Variants in PPARG observed in about 807,000 individuals in gnomAD.
PPARG encodes peroxisome proliferator-activated receptor gamma.
In PPARG, 17 loss-of-function variants were observed where a neutral mutation model predicts 39.2. The ratio of observed to expected loss-of-function variants is 0.43; its 90% CI spans 0.30 to 0.65. The LOEUF is 0.65. PPARG is among the 30% of genes least tolerant of loss of function. PPARG has a pLI of 0.13. For missense variants in PPARG, 406 were observed against 585.9 expected (o/e 0.69, Z 3.17); for synonymous variants, 223 against 215.7 (o/e 1.03, Z -0.30).
rs766703072 is a variant in PPARG at position 12,381,353 on chromosome 3, T to G, written c.252T>G (p.Pro84=). 6.2e-7 allele frequency: 1 copy of G among 1,613,246 alleles called. No individual in the cohort carries two copies. Among genetic ancestry groups the G allele is most frequent in the African/African-American group, 1.3e-5 (1 of 74,888 alleles). The change falls in exon 4 of 8, where the codon CCT becomes CCG. Residue 84 remains proline, a synonymous_variant. Coordinates refer to ENST00000651735, the MANE Select transcript of PPARG (RefSeq NM_138711.6). The stretch of plus-strand genomic sequence containing the variant: ...TCAAAGTGGAGCCTGCATCTCCACC[T>G]TATTATTCTGAGAAGACTCAGCTCT... The part of the protein sequence containing the change: ...SAIKVEPASP[P]YYSEKTQLYN...
At chr3:12,330,304 A>T (rs1190689777) in intron 2 of PPARG, among the ~76,000 whole-genome samples, 11 of 144,812 alleles carry the variant, frequency 7.6e-5, no homozygotes, top group African/African-American at 1.8e-4. Context: ...CCTTTTTTTA[A>T]AAAAAAAAAA....
chr3:12,322,187 G>A (rs946943968), intron 2 of PPARG, among the ~76,000 whole-genome samples: 1 of 152,122 alleles, frequency 6.6e-6, no homozygotes, highest in African/African-American at 2.4e-5. Context: ...TTTAATTTAC[G>A]GATGAGGAAT....
At chr3:12,349,143 A>T (rs2048410146) in intron 2 of PPARG, among the ~76,000 whole-genome samples, 1 of 152,204 alleles carries the variant, frequency 6.6e-6, no homozygotes, top group East Asian at 1.9e-4. Flanking sequence ...TGATATAGTT[A>T]CATGTGAACT....
intron 1 of PPARG, among the ~76,000 whole-genome samples, chr3:12,303,063 C>T (rs1251159813): frequency 6.6e-6 from 1 of 152,168 alleles, no homozygotes; most frequent in South Asian, 2.1e-4. Flanking sequence ...TTATGATATT[C>T]AAGCGCATGA....
chr3:12,425,824 A>T (rs1460447961), intron 7 of PPARG, among the ~76,000 whole-genome samples: 3 of 152,138 alleles, frequency 2.0e-5, no homozygotes, highest in African/African-American at 7.2e-5. Context: ...GGGGCCTCTA[A>T]CCCCAGGGTG....
At chr3:12,409,139 T>A (rs985015718) in intron 6 of PPARG, among the ~76,000 whole-genome samples, 1 of 152,240 alleles carries the variant, frequency 6.6e-6, no homozygotes, top group Non-Finnish European at 1.5e-5. Flanking sequence ...CAGACTATAT[T>A]TGCTTAATTG....
At chr3:12,351,491 A>T (rs2048484165) in intron 2 of PPARG, 1 of 903,812 alleles carries the variant, frequency 1.1e-6, no homozygotes, top group Admixed American at 1.9e-5. Context: ...TGTATTCACA[A>T]ATTCTGTTAC....
chr3:12,402,349 C>T (rs1023363023), intron 5 of PPARG, among the ~76,000 whole-genome samples: 1 of 152,120 alleles, frequency 6.6e-6, no homozygotes, highest in Non-Finnish European at 1.5e-5. Flanking sequence ...TTACTTAGTG[C>T]TTTTCTCATG....
chr3:12,330,424 T>C (rs1001000536), intron 2 of PPARG, among the ~76,000 whole-genome samples: 1 of 152,142 alleles, frequency 6.6e-6, no homozygotes, highest in Non-Finnish European at 1.5e-5. Flanking sequence ...TTATTGGTCA[T>C]TTGTATGGGT....
At chr3:12,309,628 A>C (rs1314583624) in intron 1 of PPARG, among the ~76,000 whole-genome samples, 2 of 152,228 alleles carry the variant, frequency 1.3e-5, no homozygotes, top group Admixed American at 6.5e-5. Context: ...AAAGCTTTAA[A>C]AAATCAACTA....
chr3:12,326,874 T>C (rs2047710319), intron 2 of PPARG, among the ~76,000 whole-genome samples: 1 of 152,128 alleles, frequency 6.6e-6, no homozygotes, highest in Non-Finnish European at 1.5e-5. Context: ...TATTCAAACA[T>C]TGAGTGTTCA....
At chr3:12,295,721 G>A (rs1362468913) in intron 1 of PPARG, among the ~76,000 whole-genome samples, 2 of 151,810 alleles carry the variant, frequency 1.3e-5, no homozygotes, top group East Asian at 2.0e-4. Flanking sequence ...CACCATGTTG[G>A]CCAGTCTGGT....
intron 2 of PPARG, among the ~76,000 whole-genome samples, chr3:12,367,950 GA>G (rs2049070471): frequency 6.6e-6 from 1 of 151,674 alleles, no homozygotes; most frequent in Admixed American, 6.6e-5. Context: ...ATCTGAATTT[GA>G]AAATTTCCTG....
chr3:12,397,378 T>TTTATTATTATTA (rs200520715), intron 5 of PPARG, among the ~76,000 whole-genome samples: 3 of 132,116 alleles, frequency 2.3e-5, no homozygotes, highest in Non-Finnish European at 4.8e-5. Flanking sequence ...CCTATTCCTT[T>TTTATTATTATTA]TTATTATTAT....
intron 2 of PPARG, among the ~76,000 whole-genome samples, chr3:12,325,298 A>G (rs1275461924): frequency 1.3e-5 from 2 of 152,022 alleles, no homozygotes; most frequent in African/African-American, 2.4e-5. Context: ...GCAGGCACCT[A>G]TAATCCTAGC....
chr3:12,321,532 T>C (rs774766368), intron 2 of PPARG, among the ~76,000 whole-genome samples: 12 of 152,228 alleles, frequency 7.9e-5, no homozygotes, highest in Non-Finnish European at 1.3e-4. Context: ...TTTATTTCCA[T>C]TGATTATTGT....
chr3:12,322,996 G>C (rs1255237259), intron 2 of PPARG, among the ~76,000 whole-genome samples: 1 of 151,614 alleles, frequency 6.6e-6, no homozygotes, highest in Non-Finnish European at 1.5e-5. Flanking sequence ...AATAGAGGTG[G>C]AATCTCGCTA....
intron 2 of PPARG, among the ~76,000 whole-genome samples, chr3:12,359,655 CCTA>C (rs2048774213): frequency 6.6e-6 from 1 of 150,874 alleles, no homozygotes; most frequent in South Asian, 2.1e-4. Flanking sequence ...CAAAACTTTT[CCTA>C]CTTACTCTTT....
intron 2 of PPARG, among the ~76,000 whole-genome samples, chr3:12,367,833 C>A (rs932612017): frequency 1.3e-5 from 2 of 151,914 alleles, no homozygotes; most frequent in African/African-American, 4.8e-5. Context: ...CATAATTGTG[C>A]CACTGCACTC....
Sources: gnomAD v4.1 joint callset for allele counts (sites outside exome capture counted in the v4.1 genomes callset) on GRCh38, gnomAD v4.1.1 for gene constraint, MANE v1.5 for transcripts, NCBI Gene and HGNC (gene_info 2026-07-23, HGNC 2026-07-21) for gene names.